RARG: variants seen among roughly 807,000 people sequenced by gnomAD.
RARG encodes the protein retinoic acid receptor gamma.
A neutral mutation model predicts 43.7 loss-of-function variants in RARG; 17 were observed. The ratio of observed to expected loss-of-function variants is 0.39; its 90% CI spans 0.27 to 0.58. RARG has a LOEUF of 0.58. Ranked by LOEUF, RARG falls within the 20% of genes least tolerant of loss-of-function variation. The pLI, the probability that RARG is intolerant of heterozygous loss-of-function variation, is 0.57. For missense variants in RARG, 346 were observed against 598.7 expected (o/e 0.58, Z 4.40); for synonymous variants, 238 against 236.4 (o/e 1.01, Z -0.06).
chr12:53,221,279 C>T (rs1409757427), intron 3 of RARG, among the ~76,000 whole-genome samples: 1 of 152,068 alleles, frequency 6.6e-6, no homozygotes, highest in Non-Finnish European at 1.5e-5. Context: ...AACTGACGCC[C>T]CCTAAGCGCC....
rs1445766881 is a variant in RARG at position 53,216,801 on chromosome 12, G to A, written c.185-1007C>T. On this transcript the variant is annotated intron_variant, in intron 3 of 9. Coordinates refer to ENST00000425354, the MANE Select transcript of RARG (RefSeq NM_000966.6). ...GTATGGGGAGGACATGCTCTGCTCTGTTCAAAAGGCTGCTGGGTAAGTGTG... is the reference window on the plus strand; with the variant it reads ...GTATGGGGAGGACATGCTCTGCTCTATTCAAAAGGCTGCTGGGTAAGTGTG... Among the ~76,000 whole-genome samples, 5 of 150,938 alleles carry A rather than the reference G, an allele frequency of 3.3e-5. No homozygotes were observed. In the South Asian group the frequency reaches 8.4e-4, roughly 25 times the overall value.
chr12:53,223,531 C>A (rs1034618810), intron 3 of RARG, among the ~76,000 whole-genome samples: 3 of 149,828 alleles, frequency 2.0e-5, no homozygotes, highest in Admixed American at 6.6e-5. Context: ...CCGCCCCCCC[C>A]CCGCCCAAGA....
intron 3 of RARG, among the ~76,000 whole-genome samples, chr12:53,221,716 A>G (rs1592441375): frequency 6.7e-6 from 1 of 148,246 alleles, no homozygotes; most frequent in Non-Finnish European, 1.5e-5. Flanking sequence ...AGCAGCGGCG[A>G]CTCCCGGAAA....
rs1164258554 is a variant in RARG, at chr12:53,210,609, G to A, written c.*1067C>T. 1 of 152,618 alleles carries A rather than the reference G, an allele frequency of 6.6e-6. No individual in the cohort carries two copies. The highest frequency in any genetic ancestry group is 1.9e-4 in the East Asian group (1 of 5,204). The allele number at this position is 152,618 out of a possible 1,614,324, so 9.5% of individuals were successfully genotyped here. ...TTATTTTGCAAAAATAGAAAACTCA[G>A]CAATATGCGATACAGCGGGGTAGAG... On this transcript the variant is annotated 3_prime_UTR_variant, in exon 10 of 10. Transcript: ENST00000425354.
chr12:53,218,296 G>C (rs1380967404), intron 3 of RARG, among the ~76,000 whole-genome samples: 1 of 152,114 alleles, frequency 6.6e-6, no homozygotes, highest in African/African-American at 2.4e-5. Context: ...TGTCCACCAG[G>C]ATCCCAGAGG....
intron 3 of RARG, among the ~76,000 whole-genome samples, chr12:53,216,841 T>TGTGTGTGTGTGCGC (rs1430491578): frequency 1.4e-4 from 18 of 129,426 alleles, no homozygotes; most frequent in African/African-American, 5.7e-4. Flanking sequence ...TGTGTGTGTG[T>TGTGTGTGTGTGCGC]GCGCGCGCGC....
chr12:53,224,165 T>C (rs1316704593), intron 3 of RARG, among the ~76,000 whole-genome samples: 1 of 152,024 alleles, frequency 6.6e-6, no homozygotes, highest in East Asian at 1.9e-4. Flanking sequence ...AGCACAGGCC[T>C]GTGCTTGCCT....
rs1565714867 is a variant in RARG at position 53,210,595 on chromosome 12, A to C, written c.*1081T>G. ...GAGTTTCCATCACTTTATTTTGCAAAAATAGAAAACTCAGCAATATGCGAT... is the reference window on the plus strand; with the variant it reads ...GAGTTTCCATCACTTTATTTTGCAACAATAGAAAACTCAGCAATATGCGAT... On this transcript the variant is annotated 3_prime_UTR_variant, in exon 10 of 10. Transcript: ENST00000425354. 6.6e-6 allele frequency: 1 copy of C among 152,632 alleles called. No homozygotes were observed. The highest frequency in any genetic ancestry group is 1.5e-5 in the Non-Finnish European group (1 of 68,046). 9.5% of individuals were successfully genotyped at this position (152,632 alleles called of 1,614,324 possible).
chr12:53,211,641 C>T lies in RARG; in HGVS notation c.*35G>A, dbSNP rs1222206850. 1.4e-6 allele frequency: 2 copies of T among 1,415,222 alleles called. No homozygotes were observed. Among genetic ancestry groups the T allele is most frequent in the East Asian group, 2.8e-5 (1 of 35,114 alleles). 87.7% of individuals were successfully genotyped at this position (1,415,222 alleles called of 1,614,324 possible). A position where few individuals can be genotyped will look rare whatever the true frequency, so the allele number is the denominator to read the frequency against. On this transcript the variant is annotated 3_prime_UTR_variant, in exon 10 of 10. Transcript: ENST00000425354. This position sits in a 1 kb window ranked among gnomAD's most constrained non-coding sequence, Gnocchi z 4.6. ...AGATGGTCAGTCTGCTGCCTGAAGC[C>T]CCAACCCCCACAGCGGGGAGGTCAG...
chr12:53,220,035 C>T (rs1287070379), intron 3 of RARG: 2 of 1,541,428 alleles, frequency 1.3e-6, no homozygotes, highest in East Asian at 2.5e-5. Context: ...GCAAGCCGGC[C>T]CCGGGCCCGG....
chr12:53,222,449 C>T (rs1054320584), intron 3 of RARG, among the ~76,000 whole-genome samples: 2 of 152,136 alleles, frequency 1.3e-5, no homozygotes, highest in Non-Finnish European at 2.9e-5. Flanking sequence ...GTCAGTACCC[C>T]CCTTCCCCCT....
chr12:53,214,667 C>T, intron 5 of RARG, 61 bp from the exon 6 acceptor site: 2 of 1,470,494 alleles, frequency 1.4e-6, no homozygotes, highest in Non-Finnish European at 1.9e-6. Flanking sequence ...TGGGTGTCCT[C>T]TCTCACCCTA....
chr12:53,214,031 G>A (rs2120615935), intron 7 of RARG, 28 bp downstream of exon 7: 1 of 1,594,398 alleles, frequency 6.3e-7, no homozygotes, highest in African/African-American at 1.3e-5. Flanking sequence ...GGGTCGGGCT[G>A]TGGCAGGACC....
At chr12:53,221,030 G>A (rs1942944439) in intron 3 of RARG, among the ~76,000 whole-genome samples, 1 of 151,542 alleles carries the variant, frequency 6.6e-6, no homozygotes, top group African/African-American at 2.4e-5. Context: ...CGCGGTCCTA[G>A]GGCCGGAGCG....
intron 3 of RARG, among the ~76,000 whole-genome samples, chr12:53,217,628 T>C (rs112098851): frequency 0.014 from 2,162 of 152,248 alleles, 54 homozygotes; most frequent in African/African-American, 0.043. Flanking sequence ...GGTCAATCTG[T>C]GAGGTCAAGG....
intron 3 of RARG, among the ~76,000 whole-genome samples, chr12:53,225,427 G>A (rs751376169): frequency 1.3e-5 from 2 of 152,012 alleles, no homozygotes; most frequent in Admixed American, 6.6e-5. Context: ...AAGTCTGGAG[G>A]CACCACACAC....
At position 53,232,074 on chromosome 12, in the gene RARG, G is replaced by A. The variant is rs969700835; in HGVS notation, c.-310C>T. The A allele has an allele frequency of 7.5e-6, 3 of 398,464 alleles. No individual in the cohort carries two copies. The highest frequency in any genetic ancestry group is 1.3e-5 in the Non-Finnish European group (3 of 226,048). The allele number at this position is 398,464 out of a possible 1,614,324, so 24.7% of individuals were successfully genotyped here. On this transcript the variant is annotated 5_prime_UTR_variant, in exon 1 of 10. Transcript: ENST00000425354. ...CAATGTCCGGGGCTCGCCGTACTGG[G>A]GGGCTCCTGGGGGGGCACGGCTCTA... is the stretch of plus-strand genomic sequence containing the variant.
chr12:53,214,632 G>T (rs1210636632), intron 5 of RARG, 26 bp from the exon 6 acceptor site: 1 of 1,582,060 alleles, frequency 6.3e-7, no homozygotes, highest in Non-Finnish European at 8.6e-7. Context: ...GCAAGGAGAG[G>T]GTCAGGACCC....
In RARG at chr12:53,213,080, C is replaced by A; in HGVS notation, c.1177+5G>T. The A allele has an allele frequency of 6.2e-7, 1 of 1,609,150 alleles. No homozygotes were observed. On this transcript the variant is annotated splice_donor_5th_base_variant and intron_variant, in intron 9 of 9. Transcript: ENST00000425354. This position sits in a 1 kb window ranked among gnomAD's most constrained non-coding sequence, Gnocchi z 4.7. ...ACAGAGAGGGGACACCCACTCATGA[C>A]TCACCCTTAGTGCTGATGCCCCGGA...
Sources: gnomAD v4.1 joint callset for allele counts (sites outside exome capture counted in the v4.1 genomes callset) on GRCh38, gnomAD v4.1.1 for gene constraint, Gnocchi (gnomAD v3.1) non-coding constraint, MANE v1.5 for transcripts, NCBI Gene and HGNC (gene_info 2026-07-23, HGNC 2026-07-21) for gene names.